The following RHBDL3 variants were observed in gnomAD, a reference collection of about 807,000 sequenced individuals.
The protein encoded by RHBDL3 is rhomboid like 3.
A neutral mutation model predicts 48.2 loss-of-function variants in RHBDL3; 28 were observed. The observed-to-expected ratio is 0.58, with a 90% CI of 0.43 to 0.80. The LOEUF is 0.80. Ranked by LOEUF, RHBDL3 falls within the 30% of genes least tolerant of loss-of-function variation. The pLI is 0.00. For missense variants in RHBDL3, 464 were observed against 542.7 expected (o/e 0.85, Z 1.44); for synonymous variants, 208 against 232.3 (o/e 0.90, Z 0.95).
At chr17:32,301,386 G>C (rs1456980932) in intron 6 of RHBDL3, among the ~76,000 whole-genome samples, 1 of 147,134 alleles carries the variant, frequency 6.8e-6, no homozygotes, top group South Asian at 2.2e-4. Context: ...GGGCAACATA[G>C]TGAGACCCCC....
At chr17:32,273,123 C>T (rs1180530072) in intron 2 of RHBDL3, among the ~76,000 whole-genome samples, 1 of 152,206 alleles carries the variant, frequency 6.6e-6, no homozygotes, top group African/African-American at 2.4e-5. Context: ...ACCTCAACCT[C>T]CCGAGTAGCT....
intron 6 of RHBDL3, among the ~76,000 whole-genome samples, chr17:32,298,847 G>A (rs934771728): frequency 6.6e-6 from 1 of 152,226 alleles, no homozygotes; most frequent in African/African-American, 2.4e-5. Flanking sequence ...GTGGGCACAC[G>A]TGTGGCCAGT....
intron 4 of RHBDL3, among the ~76,000 whole-genome samples, 198 bp downstream of exon 4, chr17:32,289,214 A>T (rs1376177368): frequency 1.3e-5 from 2 of 152,228 alleles, no homozygotes; most frequent in Non-Finnish European, 2.9e-5. Flanking sequence ...GTAACCGTGG[A>T]CTGCAAAGAG....
chr17:32,317,662 G>C (rs1309543510), intron 8 of RHBDL3, among the ~76,000 whole-genome samples: 1 of 152,318 alleles, frequency 6.6e-6, no homozygotes, highest in East Asian at 1.9e-4. Context: ...CAGAGATAAA[G>C]TTAGTGAAAT....
chr17:32,275,896 G>GGAGTA (rs1392507166), intron 2 of RHBDL3, among the ~76,000 whole-genome samples: 6 of 152,136 alleles, frequency 3.9e-5, no homozygotes, highest in Non-Finnish European at 8.8e-5. Flanking sequence ...AGATCCCAGG[G>GGAGTA]GAGTAGGGGT....
chr17:32,283,479 A>T (rs577669917), intron 2 of RHBDL3, among the ~76,000 whole-genome samples: 1 of 151,352 alleles, frequency 6.6e-6, no homozygotes, highest in Non-Finnish European at 1.5e-5. Context: ...GCACACCACC[A>T]CGCCCGGCTA....
intron 7 of RHBDL3, among the ~76,000 whole-genome samples, chr17:32,311,494 T>C (rs1056523705): frequency 1.3e-5 from 2 of 152,136 alleles, no homozygotes; most frequent in African/African-American, 2.4e-5. Context: ...ACCTCTGAAG[T>C]GTGGGTGGAC....
chr17:32,316,652 G>A (rs765251279), intron 8 of RHBDL3, among the ~76,000 whole-genome samples: 5 of 151,500 alleles, frequency 3.3e-5, no homozygotes, highest in Non-Finnish European at 7.4e-5. Context: ...CCAAATAGCT[G>A]GGACTACACA....
intron 2 of RHBDL3, among the ~76,000 whole-genome samples, chr17:32,283,579 T>C (rs1017560369): frequency 1.4e-4 from 21 of 152,080 alleles, no homozygotes; most frequent in Non-Finnish European, 2.5e-4. Context: ...CGCCTTGGCC[T>C]CCCAAAGTGC....
chr17:32,288,462 G>A (rs531059455), intron 3 of RHBDL3: 7 of 314,612 alleles, frequency 2.2e-5, no homozygotes, highest in South Asian at 1.0e-4. Flanking sequence ...ACACAAATAC[G>A]GGCTCTGGAG....
intron 3 of RHBDL3, among the ~76,000 whole-genome samples, chr17:32,285,525 A>T (rs1430870695): frequency 6.6e-6 from 1 of 152,066 alleles, no homozygotes; most frequent in Non-Finnish European, 1.5e-5. Context: ...GCGGTCTGTT[A>T]TCTCGGAGCA....
At chr17:32,296,841 T>A (rs2150728711) in intron 5 of RHBDL3, among the ~76,000 whole-genome samples, 1 of 151,080 alleles carries the variant, frequency 6.6e-6, no homozygotes, top group Non-Finnish European at 1.5e-5. Context: ...TGAGAAGGAA[T>A]CTCGCTCTTT....
Position 32,321,535 on chromosome 17 carries a change from G to A in RHBDL3, c.*306G>A. On this transcript the variant is annotated 3_prime_UTR_variant, in exon 9 of 9. Coordinates refer to ENST00000269051, the MANE Select transcript of RHBDL3 (RefSeq NM_138328.3). ...CTCACCTGGGCTGGGCTTCTTCCATGGGGCCAGGGGGTGCCCCCTCACTGC... is the reference window on the plus strand; with the variant it reads ...CTCACCTGGGCTGGGCTTCTTCCATAGGGCCAGGGGGTGCCCCCTCACTGC... The A allele has an allele frequency of 1.8e-6, 1 of 545,506 alleles. No homozygotes were observed. The highest frequency in any genetic ancestry group is 3.2e-6 in the Non-Finnish European group (1 of 312,778). The allele number at this position is 545,506 out of a possible 1,614,324, so 33.8% of individuals were successfully genotyped here. A position where few individuals can be genotyped will look rare whatever the true frequency, so the allele number is the denominator to read the frequency against.
intron 2 of RHBDL3, chr17:32,281,042 T>A (rs1271220477): frequency 1.3e-5 from 2 of 152,536 alleles, no homozygotes; most frequent in Non-Finnish European, 2.9e-5. Context: ...CCTCCGGGCA[T>A]CCCCAAGGCC....
intron 2 of RHBDL3, among the ~76,000 whole-genome samples, chr17:32,279,942 G>A (rs550556092): frequency 1.7e-4 from 26 of 152,320 alleles, no homozygotes; most frequent in Middle Eastern, 6.8e-3. Flanking sequence ...TGGGCTGAGC[G>A]CCCCAGGAAT....
At chr17:32,287,636 C>A (rs1407185359) in intron 3 of RHBDL3, among the ~76,000 whole-genome samples, 1 of 152,160 alleles carries the variant, frequency 6.6e-6, no homozygotes. Flanking sequence ...TCTGACAGGG[C>A]CTACAACCCC....
intron 3 of RHBDL3, 101 bp from the exon 4 acceptor site, chr17:32,288,691 C>G (rs557598425): frequency 4.0e-5 from 30 of 759,056 alleles, no homozygotes; most frequent in Non-Finnish European, 4.1e-5. Flanking sequence ...AAGGGAAATG[C>G]GGGGTCAGGC....
chr17:32,299,169 G>T (rs1166081790), intron 6 of RHBDL3, among the ~76,000 whole-genome samples: 2 of 150,272 alleles, frequency 1.3e-5, no homozygotes, highest in East Asian at 4.0e-4. Context: ...TATTAAAGTT[G>T]TCATCAGGAG....
intron 7 of RHBDL3, among the ~76,000 whole-genome samples, chr17:32,311,382 T>A (rs2150749415): frequency 6.6e-6 from 1 of 152,296 alleles, no homozygotes; most frequent in African/African-American, 2.4e-5. Flanking sequence ...GGGGACTCTC[T>A]AGTTTAACCC....
Sources: allele counts gnomAD v4.1 joint callset (sites outside exome capture counted in the v4.1 genomes callset), GRCh38; gene constraint gnomAD v4.1.1; transcripts MANE v1.5; gene names NCBI Gene and HGNC (gene_info 2026-07-23, HGNC 2026-07-21).